Variants in GGTA1 observed in about 807,000 individuals in gnomAD.
GGTA1 encodes glycoprotein alpha-galactosyltransferase 1 (inactive).
Under a neutral mutation model 2.6 loss-of-function variants are expected in GGTA1, and 5 were observed. That is an observed-to-expected ratio of 1.92 (90% CI 1.00 to 4.04). The LOEUF (loss-of-function observed/expected upper bound fraction) is 4.04, where lower values mean the gene tolerates loss of function less well. Ranked by LOEUF, GGTA1 falls within the 30% of genes most tolerant of loss-of-function variation. GGTA1 has a pLI of 0.00. For synonymous variants in GGTA1, 17 were observed against 5.0 expected, an observed-to-expected ratio of 3.38 and a Z score of -3.19; for missense variants, 50 against 16.7, an observed-to-expected ratio of 2.99 and a Z score of -3.47.
At chr9:121,494,299 C>T (rs1213516180) in intron 1 of GGTA1, among the ~76,000 whole-genome samples, 2 of 152,194 alleles carry the variant, frequency 1.3e-5, no homozygotes, top group Non-Finnish European at 2.9e-5. Flanking sequence ...CCTCTGCCTC[C>T]TGAGACTCTG....
chr9:121,495,019 G>T (rs1828960188), intron 1 of GGTA1, among the ~76,000 whole-genome samples: 1 of 149,568 alleles, frequency 6.7e-6, no homozygotes, highest in South Asian at 2.1e-4. Context: ...CCACCTCCCG[G>T]GTTCAAGCAA....
chr9:121,481,857 G>A (rs545555200), intron 1 of GGTA1, among the ~76,000 whole-genome samples: 51 of 151,688 alleles, frequency 3.4e-4, no homozygotes, highest in Non-Finnish European at 6.0e-4. Context: ...TTAGCTGGGC[G>A]TGGTGGTGCA....
At chr9:121,445,656 T>C (rs1260136251) in exon 8 of GGTA1, 2 of 152,254 alleles carry the variant, frequency 1.3e-5, no homozygotes, top group African/African-American at 4.8e-5. Flanking sequence ...TGTTCAGTCA[T>C]GATAACTAGA....
chr9:121,480,946 G>T (rs1435745146), intron 1 of GGTA1, among the ~76,000 whole-genome samples: 1 of 151,610 alleles, frequency 6.6e-6, no homozygotes, highest in Non-Finnish European at 1.5e-5. Flanking sequence ...GAGGTCAGGA[G>T]ATCGAGATCA....
chr9:121,481,152 CAAAAAAA>C (rs56784223), intron 1 of GGTA1, among the ~76,000 whole-genome samples: 5 of 78,538 alleles, frequency 6.4e-5, no homozygotes, highest in South Asian at 9.0e-4. Context: ...GACACCATCT[CAAAAAAA>C]AAAAAAAAAA....
exon 8 of GGTA1, chr9:121,446,509 C>G (rs886183990): frequency 1.3e-5 from 2 of 152,180 alleles, no homozygotes; most frequent in Non-Finnish European, 2.9e-5. Flanking sequence ...GCTTTAGACC[C>G]ATCAGAAATA....
At chr9:121,460,888 GC>G (rs1232022416) in intron 4 of GGTA1, among the ~76,000 whole-genome samples, 7 of 151,804 alleles carry the variant, frequency 4.6e-5, no homozygotes. Context: ...CCAAGCCTCA[GC>G]CCCCAAGTTA....
intron 2 of GGTA1, among the ~76,000 whole-genome samples, chr9:121,465,826 A>G (rs2065001538): frequency 6.6e-6 from 1 of 152,302 alleles, no homozygotes; most frequent in South Asian, 2.1e-4. Flanking sequence ...ATTGTTTATT[A>G]AGCCCTAGGC....
intron 2 of GGTA1, among the ~76,000 whole-genome samples, chr9:121,464,927 C>A (rs2064991442): frequency 6.6e-6 from 1 of 151,652 alleles, no homozygotes; most frequent in Admixed American, 6.6e-5. Flanking sequence ...TGCTGCCTAC[C>A]TGTGTAAGGT....
At chr9:121,477,772 G>T (rs191186668) in intron 1 of GGTA1, among the ~76,000 whole-genome samples, 19 of 151,806 alleles carry the variant, frequency 1.3e-4, no homozygotes, top group African/African-American at 4.6e-4. Context: ...TAGAGACGGG[G>T]TTTCACCATG....
intron 1 of GGTA1, among the ~76,000 whole-genome samples, chr9:121,483,558 C>T (rs765060178): frequency 4.5e-4 from 68 of 152,226 alleles, no homozygotes; most frequent in Non-Finnish European, 2.1e-4. Flanking sequence ...CTGATCAAAG[C>T]TGTCCAGAGG....
intron 3 of GGTA1, 146 bp downstream of exon 3, chr9:121,463,147 A>C (rs2064974422): frequency 4.8e-6 from 2 of 414,460 alleles, no homozygotes; most frequent in Admixed American, 7.0e-5. Flanking sequence ...CAGAAATAAC[A>C]TTCCAGATCC....
In GGTA1 at chr9:121,483,805, C is replaced by T. The variant is rs764440260; in HGVS notation, c.-10+15845G>A. Among the ~76,000 whole-genome samples the T allele has an allele frequency of 6.6e-5, 10 of 152,174 alleles. 1 individual carries two copies. Among genetic ancestry groups the T allele is most frequent in the South Asian group, 6.2e-4 (3 of 4,838 alleles). On this transcript the variant is annotated intron_variant, in intron 1 of 5. Transcript: ENST00000481799. Reference sequence around the variant, plus strand: ...TTCCTGCTGGGAAACTTGAAGGTCACGATCTCCAACCTGCTTACCTCTGTG... The same window carrying T: ...TTCCTGCTGGGAAACTTGAAGGTCATGATCTCCAACCTGCTTACCTCTGTG...
intron 5 of GGTA1, among the ~76,000 whole-genome samples, chr9:121,456,964 G>A (rs966186945): frequency 4.6e-5 from 7 of 152,142 alleles, no homozygotes; most frequent in Non-Finnish European, 8.8e-5. Context: ...GAGCCACTGC[G>A]TCCAACACAA....
intron 1 of GGTA1, among the ~76,000 whole-genome samples, chr9:121,482,957 A>G (rs1828684926): frequency 6.6e-6 from 1 of 152,268 alleles, no homozygotes; most frequent in Non-Finnish European, 1.5e-5. Flanking sequence ...TCTCAAAAAA[A>G]AGAAAAGAAA....
intron 1 of GGTA1, among the ~76,000 whole-genome samples, chr9:121,488,645 A>G (rs1482359564): frequency 6.6e-6 from 1 of 152,166 alleles, no homozygotes; most frequent in African/African-American, 2.4e-5. Flanking sequence ...TGAACCCGGG[A>G]GGCGGAAGTT....
At chr9:121,475,451 A>G (rs532124031) in intron 1 of GGTA1, among the ~76,000 whole-genome samples, 3 of 152,272 alleles carry the variant, frequency 2.0e-5, no homozygotes, top group African/African-American at 7.2e-5. Flanking sequence ...TTCACTTTAC[A>G]GATTCACCCT....
chr9:121,453,162 T>C (rs951110375), downstream of GGTA1, among the ~76,000 whole-genome samples: 9 of 152,252 alleles, frequency 5.9e-5, no homozygotes, highest in African/African-American at 1.9e-4. Flanking sequence ...CTGATGTTAC[T>C]GCTTACTTTA....
intron 1 of GGTA1, among the ~76,000 whole-genome samples, chr9:121,468,884 G>A (rs1017391643): frequency 2.3e-4 from 35 of 152,164 alleles, no homozygotes; most frequent in African/African-American, 8.4e-4. Context: ...TCCCAAGTCT[G>A]ATCGCCCCAC....
Sources: allele counts gnomAD v4.1 joint callset (sites outside exome capture counted in the v4.1 genomes callset), GRCh38; gene constraint gnomAD v4.1.1; transcripts MANE v1.5; gene names NCBI Gene and HGNC (gene_info 2026-07-23, HGNC 2026-07-21).